Variants in IPO5 observed in about 807,000 individuals in gnomAD.
IPO5 encodes the protein importin-5.
In IPO5, 18 loss-of-function variants were observed where a neutral mutation model predicts 143.3. The observed-to-expected ratio is 0.13, with a 90% confidence interval of 0.09 to 0.19. The LOEUF is 0.19. Ranked by LOEUF, IPO5 falls within the 10% of genes least tolerant of loss-of-function variation. The pLI is 1.00. For missense variants in IPO5, 1,013 were observed against 1,336.9 expected (o/e 0.76, Z 3.78); for synonymous variants, 477 against 465.7 (o/e 1.02, Z -0.31).
At position 97,984,227 on chromosome 13, in the gene IPO5, C is replaced by T. The variant is rs1327547688; in HGVS notation, c.172-1194C>T. 2.0e-5 allele frequency among the ~76,000 whole-genome samples: 3 copies of T among 151,962 alleles called. No individual in the cohort carries two copies. In the South Asian group the frequency reaches 6.2e-4, roughly 32 times the overall value. Reference sequence around the variant, plus strand: ...TCTCCTGACCTCGTGATCCGCCCGCCTCGGCCTCCCAAAGTGCTGGGATTA... The same window carrying T: ...TCTCCTGACCTCGTGATCCGCCCGCTTCGGCCTCCCAAAGTGCTGGGATTA... On this transcript the variant is annotated intron_variant, in intron 5 of 28. Transcript: ENST00000651721.
chr13:97,995,384 T>C (rs1888185985), intron 11 of IPO5, among the ~76,000 whole-genome samples: 1 of 151,540 alleles, frequency 6.6e-6, no homozygotes, highest in Non-Finnish European at 1.5e-5. Flanking sequence ...TGCATCCTCA[T>C]AGCTCAGCTC....
chr13:98,023,156 G>A lies in IPO5; in HGVS notation c.*1334G>A, dbSNP rs1481790715. ...TGGATTACATACAGATGGTTTCCTT[G>A]TTAGCAGATGCCCTTCAAATATATT... On this transcript the variant is annotated 3_prime_UTR_variant, in exon 29 of 29. Coordinates refer to ENST00000651721, the MANE Select transcript of IPO5 (RefSeq NM_002271.6). 6.6e-6 allele frequency: 1 copy of A among 152,596 alleles called. No homozygotes were observed. Among genetic ancestry groups the A allele is most frequent in the Non-Finnish European group, 1.5e-5 (1 of 68,050 alleles). 9.5% of individuals were successfully genotyped at this position (152,596 alleles called of 1,614,324 possible). A position where few individuals can be genotyped will look rare whatever the true frequency, so the allele number is the denominator to read the frequency against.
chr13:97,980,237 T>C (rs1490036553), intron 4 of IPO5, among the ~76,000 whole-genome samples: 1 of 152,208 alleles, frequency 6.6e-6, no homozygotes, highest in African/African-American at 2.4e-5. Context: ...TTAGACTGTT[T>C]AACCATTATC....
chr13:97,969,723 C>A lies in IPO5; in HGVS notation c.-112C>A. ...CACCATTCTGTTTCTGTCAAATCAG[C>A]AGAGGAAAGAAATTCCTAAGGGAAC... On this transcript the variant is annotated splice_region_variant and 5_prime_UTR_variant, in exon 3 of 29. Transcript: ENST00000651721. The A allele has an allele frequency of 7.6e-7, 1 of 1,308,250 alleles. No individual in the cohort carries two copies. The highest frequency in any genetic ancestry group is 1.1e-6 in the Non-Finnish European group (1 of 902,244). 81.0% of individuals were successfully genotyped at this position (1,308,250 alleles called of 1,614,324 possible).
chr13:97,977,896 T>C (rs1341297822), intron 4 of IPO5, among the ~76,000 whole-genome samples: 1 of 152,190 alleles, frequency 6.6e-6, no homozygotes, highest in African/African-American at 2.4e-5. Context: ...CAAAAATTAA[T>C]TTTACATATA....
At chr13:98,003,891 A>G (rs1348964521) in intron 16 of IPO5, among the ~76,000 whole-genome samples, 1 of 152,170 alleles carries the variant, frequency 6.6e-6, no homozygotes, top group Non-Finnish European at 1.5e-5. Flanking sequence ...AACATTGAGT[A>G]TTCTAACCAG....
At chr13:97,982,784 T>C (rs918969225) in intron 5 of IPO5, among the ~76,000 whole-genome samples, 1 of 152,252 alleles carries the variant, frequency 6.6e-6, no homozygotes, top group African/African-American at 2.4e-5. Flanking sequence ...AGAGTTGCCT[T>C]TTTTCCGCAT....
intron 3 of IPO5, among the ~76,000 whole-genome samples, chr13:97,974,227 C>T (rs1398263180): frequency 1.3e-5 from 2 of 152,062 alleles, no homozygotes; most frequent in East Asian, 3.9e-4. Context: ...GAGATCGGGC[C>T]ATGCCCTAAG....
intron 13 of IPO5, 195 bp from the exon 14 acceptor site, chr13:98,002,272 C>T (rs1266806977): frequency 7.6e-6 from 3 of 395,482 alleles, no homozygotes; most frequent in African/African-American, 6.3e-5. Flanking sequence ...GCCTCAGACT[C>T]CCAAAGTGCT....
chr13:98,015,803 T>G, intron 24 of IPO5, 22 bp downstream of exon 24: 1 of 1,534,562 alleles, frequency 6.5e-7, no homozygotes, highest in Non-Finnish European at 8.9e-7. Flanking sequence ...CCTTTGGAAC[T>G]TACTTACGTG....
intron 3 of IPO5, among the ~76,000 whole-genome samples, chr13:97,970,106 G>C (rs895087248): frequency 2.2e-4 from 33 of 152,098 alleles, no homozygotes; most frequent in Admixed American, 3.9e-4. Context: ...AATATAATAT[G>C]AGCCACAAAT....
At position 98,023,818 on chromosome 13, in the gene IPO5, G is replaced by A. The variant is rs1377085331; in HGVS notation, c.*1996G>A. 6.6e-6 allele frequency: 1 copy of A among 152,194 alleles called. No homozygotes were observed. The highest frequency in any genetic ancestry group is 1.5e-5 in the Non-Finnish European group (1 of 68,042). 9.4% of individuals were successfully genotyped at this position (152,194 alleles called of 1,614,324 possible). On this transcript the variant is annotated 3_prime_UTR_variant, in exon 29 of 29. Transcript: ENST00000651721. ...TTGAATCAAGTTAATAGGGAAGGTT[G>A]GTAGTAAATGCTGTTAGTGTGACAT... is the stretch of plus-strand genomic sequence containing the variant.
At position 98,006,356 on chromosome 13, in the gene IPO5, A is replaced by ATTTTTTTTTTTTTTTTTTTTTTTT. The variant is rs568589408; in HGVS notation, c.1716+21_1716+44dup. 3 of 507,094 alleles carry ATTTTTTTTTTTTTTTTTTTTTTTT rather than the reference A, an allele frequency of 5.9e-6. No homozygotes were observed. The highest frequency in any genetic ancestry group is 1.0e-4 in the East Asian group (2 of 19,188). The allele number at this position is 507,094 out of a possible 1,614,324, so 31.4% of individuals were successfully genotyped here. On this transcript the variant is annotated intron_variant, in intron 17 of 28. Transcript: ENST00000651721. ...GCTGTTGGGAAGGAAAAAGTAAGTA[A>ATTTTTTTTTTTTTTTTTTTTTTTT]TTTTTTTTTTTTTTTTTTTTTTTTT...
chr13:98,010,146 T>C lies in IPO5; in HGVS notation c.1977T>C (p.Phe659=), dbSNP rs770865970. ...ENMSDDDGWE[F]VNLGDQQSFG... ...TGAGTGATGATGATGGTTGGGAATT[T>C]GTGAACCTTGGAGATCAGCAAAGCT... Residue 659 remains phenylalanine, a synonymous_variant, in exon 20 of 29, where the codon TTT becomes TTC. Transcript: ENST00000651721. 1 of 1,614,194 alleles carries C rather than the reference T, an allele frequency of 6.2e-7. No individual in the cohort carries two copies. The highest frequency in any genetic ancestry group is 8.5e-7 in the Non-Finnish European group (1 of 1,180,008).
chr13:98,005,158 A>G (rs142115887), intron 16 of IPO5, among the ~76,000 whole-genome samples: 3 of 149,390 alleles, frequency 2.0e-5, no homozygotes, highest in Non-Finnish European at 4.4e-5. Flanking sequence ...GGGCCTCCCA[A>G]AGTGCTGGGA....
chr13:98,000,479 G>A (rs1260962552), intron 12 of IPO5, 60 bp from the exon 13 acceptor site: 6 of 1,019,220 alleles, frequency 5.9e-6, no homozygotes, highest in East Asian at 2.4e-5. Flanking sequence ...TGTCTGTAGA[G>A]TATACTATTT....
intron 2 of IPO5, among the ~76,000 whole-genome samples, chr13:97,958,834 C>T (rs993356048): frequency 8.2e-5 from 12 of 146,862 alleles, no homozygotes; most frequent in African/African-American, 3.0e-4. Flanking sequence ...GGTCAGATCT[C>T]TTTCTTAACC....
intron 2 of IPO5, among the ~76,000 whole-genome samples, chr13:97,955,560 G>A (rs1328025690): frequency 6.6e-6 from 1 of 152,104 alleles, no homozygotes; most frequent in Non-Finnish European, 1.5e-5. Flanking sequence ...TCACCTCAGG[G>A]CAAGCAAGCC....
chr13:98,008,607 G>A (rs1594115533), intron 18 of IPO5, among the ~76,000 whole-genome samples: 1 of 152,010 alleles, frequency 6.6e-6, no homozygotes, highest in African/African-American at 2.4e-5. Flanking sequence ...TTGCCTCTCC[G>A]CCAACGAACA....
Sources: allele counts gnomAD v4.1 joint callset (sites outside exome capture counted in the v4.1 genomes callset), GRCh38; gene constraint gnomAD v4.1.1; transcripts MANE v1.5; gene names NCBI Gene and HGNC (gene_info 2026-07-23, HGNC 2026-07-21).